The following KCNH7 variants were observed in gnomAD, a reference collection of about 807,000 sequenced individuals.
The protein encoded by KCNH7 is voltage-gated inwardly rectifying potassium channel KCNH7.
Under a neutral mutation model 120.8 loss-of-function variants are expected in KCNH7, and 49 were observed. The observed-to-expected ratio is 0.41, with a 90% CI of 0.32 to 0.51. KCNH7 has a LOEUF of 0.51. KCNH7 is among the 20% of genes least tolerant of loss of function. The probability of loss-of-function intolerance (pLI) is 0.38; values close to 1 mark genes in which losing one functional copy is unlikely to be tolerated. For missense variants in KCNH7, 1,097 were observed against 1,446.6 expected, an observed-to-expected ratio of 0.76 and a Z score of 3.92; for synonymous variants, 547 against 516.1, an observed-to-expected ratio of 1.06 and a Z score of -0.81.
intron 3 of KCNH7, among the ~76,000 whole-genome samples, chr2:162,531,850 T>A (rs1309087527): frequency 6.6e-6 from 1 of 152,064 alleles, no homozygotes; most frequent in Non-Finnish European, 1.5e-5. Context: ...AGAAAAATTA[T>A]CAGCTGAGGT....
intron 2 of KCNH7, among the ~76,000 whole-genome samples, chr2:162,829,720 G>T (rs938709660): frequency 6.6e-6 from 1 of 151,644 alleles, no homozygotes; most frequent in Non-Finnish European, 1.5e-5. Context: ...AAAACATATA[G>T]CCATTAATAA....
chr2:162,798,991 A>G (rs1684245472), intron 2 of KCNH7, among the ~76,000 whole-genome samples: 1 of 151,998 alleles, frequency 6.6e-6, no homozygotes, highest in Non-Finnish European at 1.5e-5. Flanking sequence ...TTACTGTGCA[A>G]CACTTCTAGA....
chr2:162,564,149 A>G (rs1227284284), intron 2 of KCNH7, among the ~76,000 whole-genome samples: 2 of 152,056 alleles, frequency 1.3e-5, no homozygotes, highest in Non-Finnish European at 2.9e-5. Flanking sequence ...TAAGTCACTG[A>G]ATATGTTGCT....
intron 6 of KCNH7, among the ~76,000 whole-genome samples, chr2:162,454,435 C>A (rs1466153956): frequency 3.3e-5 from 5 of 152,098 alleles, no homozygotes; most frequent in African/African-American, 1.2e-4. Context: ...GCTATACCAG[C>A]TCTTTTTTGA....
intron 2 of KCNH7, among the ~76,000 whole-genome samples, chr2:162,696,356 T>C (rs1261275550): frequency 6.6e-6 from 1 of 152,204 alleles, no homozygotes; most frequent in East Asian, 1.9e-4. Flanking sequence ...CTATTACTTG[T>C]GTAATGTGGT....
chr2:162,372,420 G>A (rs1685987348), intron 15 of KCNH7, among the ~76,000 whole-genome samples: 1 of 152,074 alleles, frequency 6.6e-6, no homozygotes, highest in African/African-American at 2.4e-5. Context: ...GATGAGGAAT[G>A]GGATCACTTG....
chr2:162,798,741 A>G (rs1249531841), intron 2 of KCNH7, among the ~76,000 whole-genome samples: 3 of 152,052 alleles, frequency 2.0e-5, no homozygotes, highest in Admixed American at 6.6e-5. Context: ...AGATTGAGTT[A>G]TCATGAAATG....
chr2:162,829,754 A>G (rs1685406726), intron 2 of KCNH7, among the ~76,000 whole-genome samples: 1 of 142,624 alleles, frequency 7.0e-6, no homozygotes, highest in Non-Finnish European at 1.5e-5. Flanking sequence ...ATTGTTTTTA[A>G]TATTTTAGAA....
At chr2:162,415,783 C>G (rs1050472946) in intron 9 of KCNH7, among the ~76,000 whole-genome samples, 4 of 152,080 alleles carry the variant, frequency 2.6e-5, no homozygotes, top group African/African-American at 9.7e-5. Context: ...ATTTAAACTT[C>G]CATTTAATGT....
At chr2:162,466,244 G>C (rs149946708) in intron 6 of KCNH7, among the ~76,000 whole-genome samples, 113 of 152,130 alleles carry the variant, frequency 7.4e-4, no homozygotes, top group African/African-American at 2.6e-3. Flanking sequence ...AAATTTAAAA[G>C]GTACTGTATT....
chr2:162,639,211 A>G (rs1684064685), intron 2 of KCNH7, among the ~76,000 whole-genome samples: 2 of 152,064 alleles, frequency 1.3e-5, no homozygotes, highest in South Asian at 4.2e-4. Context: ...ATTTTATCTA[A>G]CACTAACAGT....
At chr2:162,375,101 A>G (rs1686115097) in intron 14 of KCNH7, among the ~76,000 whole-genome samples, 1 of 152,130 alleles carries the variant, frequency 6.6e-6, no homozygotes, top group Non-Finnish European at 1.5e-5. Flanking sequence ...TATTTACCCC[A>G]TTCAGAATTA....
chr2:162,538,826 G>A (rs1395155569), intron 2 of KCNH7, among the ~76,000 whole-genome samples: 1 of 152,020 alleles, frequency 6.6e-6, no homozygotes, highest in East Asian at 1.9e-4. Context: ...GGAATTGATC[G>A]ACAGATATAC....
rs147935115 is a variant in KCNH7, at chr2:162,530,797, G to T, written c.463+6128C>A. ...CAGTATCATTATTTTACACTGGTAGGAACATTATACTTCAAAGAAAAAAAA... is the reference window on the plus strand; with the variant it reads ...CAGTATCATTATTTTACACTGGTAGTAACATTATACTTCAAAGAAAAAAAA... On this transcript the variant is annotated intron_variant, in intron 3 of 15. Transcript: ENST00000332142. Among the ~76,000 whole-genome samples the T allele has an allele frequency of 3.2e-4, 47 of 148,588 alleles. 1 individual carries two copies. The highest frequency in any genetic ancestry group is 1.2e-3 in the African/African-American group (45 of 38,322).
chr2:162,381,420 T>A (rs1216139548), intron 13 of KCNH7, among the ~76,000 whole-genome samples: 2 of 152,056 alleles, frequency 1.3e-5, no homozygotes, highest in East Asian at 3.9e-4. Flanking sequence ...CAAGGGTAGT[T>A]TAAATGCATC....
In KCNH7 at chr2:162,558,270, G is replaced by A. The variant is rs1692929782; in HGVS notation, c.308-21190C>T. 2.0e-5 allele frequency among the ~76,000 whole-genome samples: 3 copies of A among 151,882 alleles called. No homozygotes were observed. In the South Asian group the frequency reaches 6.2e-4, roughly 31 times the overall value. On this transcript the variant is annotated intron_variant, in intron 2 of 15. Coordinates refer to ENST00000332142, the MANE Select transcript of KCNH7 (RefSeq NM_033272.4). ...GCTCACTTCAAGCTCTGCCTCCTGG[G>A]TTCACGCCATTCTCCTGCCTCAGCC...
chr2:162,683,106 A>G (rs1685770571), intron 2 of KCNH7, among the ~76,000 whole-genome samples: 1 of 151,840 alleles, frequency 6.6e-6, no homozygotes, highest in Non-Finnish European at 1.5e-5. Context: ...TAATACAGAA[A>G]TGCTTTTACT....
At chr2:162,623,737 A>G (rs2105200542) in intron 2 of KCNH7, among the ~76,000 whole-genome samples, 1 of 152,304 alleles carries the variant, frequency 6.6e-6, no homozygotes, top group East Asian at 1.9e-4. Context: ...TGAATATGAA[A>G]TGAGCTAACC....
At chr2:162,465,765 C>T (rs146656069) in intron 6 of KCNH7, among the ~76,000 whole-genome samples, 5 of 152,196 alleles carry the variant, frequency 3.3e-5, no homozygotes, top group African/African-American at 1.2e-4. Flanking sequence ...AAGGTGCATC[C>T]TGTTGTGGGG....
Sources: gnomAD v4.1 joint callset for allele counts (sites outside exome capture counted in the v4.1 genomes callset) on GRCh38, gnomAD v4.1.1 for gene constraint, MANE v1.5 for transcripts, NCBI Gene and HGNC (gene_info 2026-07-23, HGNC 2026-07-21) for gene names.